The following MASP2 variants were observed in gnomAD, a reference collection of about 807,000 sequenced individuals.
MASP2 encodes MBL associated serine protease 2.
A neutral mutation model predicts 57.1 loss-of-function variants in MASP2; 49 were observed. The ratio of observed to expected loss-of-function variants is 0.86; its 90% CI spans 0.68 to 1.09. The LOEUF (loss-of-function observed/expected upper bound fraction) is 1.09. Among genes scored for constraint, MASP2 ranks in the 50% least tolerant of loss-of-function variants. The pLI is 0.00. For missense variants in MASP2, 900 were observed against 874.8 expected, an observed-to-expected ratio of 1.03 and a Z score of -0.36; for synonymous variants, 379 against 340.8, an observed-to-expected ratio of 1.11 and a Z score of -1.24.
intron 8 of MASP2, among the ~76,000 whole-genome samples, chr1:11,033,354 A>C (rs1157265738): frequency 6.6e-6 from 1 of 151,628 alleles, no homozygotes; most frequent in Non-Finnish European, 1.5e-5. Context: ...AAAGAAAAAA[A>C]TATTGTCAGG....
At chr1:11,036,217 A>G (rs1432632476) in intron 7 of MASP2, among the ~76,000 whole-genome samples, 1 of 152,198 alleles carries the variant, frequency 6.6e-6, no homozygotes, top group African/African-American at 2.4e-5. Flanking sequence ...CAGAAACTAA[A>G]GAAGTCGCCG....
intron 6 of MASP2, among the ~76,000 whole-genome samples, chr1:11,038,261 T>A (rs985236088): frequency 1.6e-4 from 25 of 152,200 alleles, no homozygotes; most frequent in Non-Finnish European, 3.7e-4. Context: ...TTTCTTCATC[T>A]GCAAGATGGG....
intron 8 of MASP2, among the ~76,000 whole-genome samples, chr1:11,031,696 A>G (rs1207545359): frequency 6.6e-6 from 1 of 152,034 alleles, no homozygotes; most frequent in Non-Finnish European, 1.5e-5. Context: ...TGGGAGGCCA[A>G]AGTGGGAGGG....
chr1:11,035,202 T>G (rs969129998), intron 7 of MASP2, among the ~76,000 whole-genome samples: 12 of 152,148 alleles, frequency 7.9e-5, no homozygotes, highest in African/African-American at 2.9e-4. Flanking sequence ...TATAATTTTT[T>G]TTTTGCTTTT....
intron 10 of MASP2, chr1:11,029,929 A>G: frequency 5.8e-6 from 2 of 341,882 alleles, no homozygotes; most frequent in Non-Finnish European, 1.1e-5. Context: ...CCTAAAAATC[A>G]TTTAATTTTT....
intron 8 of MASP2, among the ~76,000 whole-genome samples, chr1:11,033,510 C>T (rs1202543867): frequency 2.0e-5 from 3 of 150,764 alleles, no homozygotes; most frequent in Non-Finnish European, 3.0e-5. Flanking sequence ...CCAGGTGTGG[C>T]GGTGTGTGCC....
At chr1:11,046,774 G>A (rs372548943) in intron 2 of MASP2, 41 bp from the exon 3 acceptor site, 199 of 1,592,364 alleles carry the variant, frequency 1.2e-4, no homozygotes, top group Non-Finnish European at 1.6e-4. Context: ...GCAAGACCCA[G>A]GCCTGATCTC....
intron 6 of MASP2, 27 bp downstream of exon 6, chr1:11,042,848 G>A (rs779987338): frequency 1.2e-6 from 2 of 1,611,926 alleles, no homozygotes; most frequent in Non-Finnish European, 8.5e-7. Context: ...TGCGCTTCCA[G>A]CCAAGATCTG....
intron 7 of MASP2, among the ~76,000 whole-genome samples, chr1:11,036,799 T>A (rs986908729): frequency 1.3e-5 from 2 of 152,098 alleles, no homozygotes; most frequent in Non-Finnish European, 2.9e-5. Flanking sequence ...AAGCATTTTT[T>A]AAAATTATAC....
At chr1:11,045,257 G>T in intron 4 of MASP2, 151 bp downstream of exon 4, 1 of 1,147,150 alleles carries the variant, frequency 8.7e-7, no homozygotes, top group Non-Finnish European at 1.3e-6. Context: ...GGGAAGCAGG[G>T]CTGAGAAGGG....
chr1:11,046,430 C>A, intron 3 of MASP2, 126 bp downstream of exon 3: 1 of 1,070,266 alleles, frequency 9.3e-7, no homozygotes, highest in East Asian at 2.6e-5. Context: ...TGATGTCAGG[C>A]CAGAGGCCTC....
intron 7 of MASP2, 22 bp downstream of exon 7, chr1:11,037,670 TG>T (rs1440693608): frequency 7.1e-6 from 10 of 1,414,268 alleles, no homozygotes; most frequent in Non-Finnish European, 8.9e-6. Flanking sequence ...TCATTGATCG[TG>T]GTGTACTTTG....
intron 10 of MASP2, chr1:11,029,632 A>ACCTTTT (rs1643806802): frequency 2.1e-5 from 1 of 48,550 alleles, no homozygotes; most frequent in Non-Finnish European, 5.4e-5. Flanking sequence ...AATTTTTAAA[A>ACCTTTT]TCTTTTTTTT....
rs754240264 is a variant in MASP2, at chr1:11,043,384, A to G, written c.696T>C (p.Asp232=). The change falls in exon 5 of 11, where the codon GAT becomes GAC. Residue 232 remains aspartate (D), a synonymous_variant. Transcript: ENST00000400897. ...SVILDFVESF[D]VETHPETLCP... ...ACAGGGTTTCAGGGTGTGTCTCCAC[A>G]TCGAAGGACTCCACAAAGTCCAGAA... The G allele has an allele frequency of 1.2e-6, 2 of 1,609,930 alleles. No homozygotes were observed. The highest frequency in any genetic ancestry group is 2.2e-5 in the South Asian group (2 of 90,148).
At chr1:11,028,736 CAG>C (rs1557665617) in intron 10 of MASP2, among the ~76,000 whole-genome samples, 2 of 134,670 alleles carry the variant, frequency 1.5e-5, no homozygotes, top group Non-Finnish European at 1.5e-5. Flanking sequence ...TTTTTTGAGA[CAG>C]AGTCTCGCTC....
In MASP2 at chr1:11,026,951, C is replaced by T; in HGVS notation, c.1995G>A (p.Gln665=). The T allele has an allele frequency of 6.5e-7, 1 of 1,539,054 alleles. No homozygotes were observed. The highest frequency in any genetic ancestry group is 8.7e-7 in the Non-Finnish European group (1 of 1,147,956). Residue 665 remains glutamine (Q), a synonymous_variant, in exon 11 of 11, where the codon CAG becomes CAA. Coordinates refer to ENST00000400897, the MANE Select transcript of MASP2 (RefSeq NM_006610.4). ...TAATAACTTTTGTGTAGACTCCATA[C>T]TGACCTGCTTCCCCACAATTCATGG... ...WGSMNCGEAG[Q]YGVYTKVINY... is the part of the protein sequence containing the mutation.
At chr1:11,038,789 C>T (rs1400007567) in intron 6 of MASP2, among the ~76,000 whole-genome samples, 4 of 152,196 alleles carry the variant, frequency 2.6e-5, no homozygotes, top group South Asian at 2.1e-4. Context: ...TCTGTCACGA[C>T]GAAGAGGTGG....
intron 6 of MASP2, among the ~76,000 whole-genome samples, chr1:11,038,626 G>A (rs983761086): frequency 2.6e-5 from 4 of 152,198 alleles, no homozygotes. Context: ...AAGCTGCTGG[G>A]GCAGCTGGGT....
At chr1:11,046,847 C>A (rs746181487) in intron 2 of MASP2, 44 bp downstream of exon 2, 119 of 1,545,326 alleles carry the variant, frequency 7.7e-5, no homozygotes, top group Middle Eastern at 1.7e-4. Context: ...TCCTTGGGGA[C>A]CCCCCGACCC....
Sources: allele counts gnomAD v4.1 joint callset (sites outside exome capture counted in the v4.1 genomes callset), GRCh38; gene constraint gnomAD v4.1.1; transcripts MANE v1.5; gene names NCBI Gene and HGNC (gene_info 2026-07-23, HGNC 2026-07-21).